Variants in MAP2K1 observed in about 807,000 individuals in gnomAD.
The protein encoded by MAP2K1 is dual specificity mitogen-activated protein kinase kinase 1.
In MAP2K1, 16 loss-of-function variants were observed where a neutral mutation model predicts 46.3. The observed-to-expected ratio is 0.35, with a 90% CI of 0.23 to 0.52. MAP2K1 has a LOEUF of 0.52. Ranked by LOEUF, MAP2K1 falls within the 20% of genes least tolerant of loss-of-function variation. MAP2K1 has a pLI of 0.94. For synonymous variants in MAP2K1, 183 were observed against 185.6 expected, an observed-to-expected ratio of 0.99 and a Z score of 0.11; for missense variants, 263 against 497.1, an observed-to-expected ratio of 0.53 and a Z score of 4.48.
Position 66,481,879 on chromosome 15 carries a change from G to A in MAP2K1, c.693G>A (p.Ser231=), listed in dbSNP as rs1156971602. The A allele has an allele frequency of 1.9e-6, 3 of 1,613,538 alleles. No individual in the cohort carries two copies. The highest frequency in any genetic ancestry group is 2.5e-6 in the Non-Finnish European group (3 of 1,179,622). The change falls in exon 6 of 11, where the codon TCG becomes TCA. Residue 231 remains serine, a splice_region_variant and synonymous_variant. Coordinates refer to ENST00000307102, the MANE Select transcript of MAP2K1 (RefSeq NM_002755.4). ...TCGTGGGCACAAGGTCCTACATGTC[G>A]GTATGAACAGAAGTTTCCATTGCTT... ...NSFVGTRSYM[S]PERLQGTHYS...
Position 66,443,317 on chromosome 15 carries a change from G to T in MAP2K1, c.476G>T (p.Gly159Val), listed in dbSNP as rs1845118216. The T allele has an allele frequency of 1.2e-6, 2 of 1,613,220 alleles. No individual in the cohort carries two copies. Residue 159 changes from glycine (G) to valine (V), a missense_variant, in exon 4 of 11, where the codon GGA becomes GTA. Gly to Val is a moderately radical substitution (Grantham distance 109). This residue lies in a region of MAP2K1 where 103 missense variants were observed against 221.6 expected (regional missense o/e 0.46). Coordinates refer to ENST00000307102, the MANE Select transcript of MAP2K1 (RefSeq NM_002755.4). ...CTGGATCAAGTCCTGAAGAAAGCTGGAAGAATTCCTGAACAAATTTTAGGA... is the reference window on the plus strand; with the variant it reads ...CTGGATCAAGTCCTGAAGAAAGCTGTAAGAATTCCTGAACAAATTTTAGGA... The part of the protein sequence containing the change: ...GSLDQVLKKA[G>V]RIPEQILGKV...
chr15:66,403,097 T>G (rs1020069042), intron 1 of MAP2K1, among the ~76,000 whole-genome samples: 2 of 152,100 alleles, frequency 1.3e-5, no homozygotes, highest in African/African-American at 4.8e-5. Context: ...CCTAGAGAGG[T>G]GTGAATTTGC....
intron 3 of MAP2K1, among the ~76,000 whole-genome samples, chr15:66,442,341 C>T (rs527669875): frequency 2.6e-5 from 4 of 152,252 alleles, no homozygotes; most frequent in African/African-American, 9.6e-5. Flanking sequence ...CCACATCATC[C>T]CAGGAGTACT....
chr15:66,425,087 TGCCCA>T (rs1457081346), intron 1 of MAP2K1, among the ~76,000 whole-genome samples: 1 of 152,118 alleles, frequency 6.6e-6, no homozygotes, highest in Non-Finnish European at 1.5e-5. Context: ...TGAGCCACTG[TGCCCA>T]GCCTCCCGTC....
intron 1 of MAP2K1, among the ~76,000 whole-genome samples, chr15:66,432,860 T>G (rs1479160944): frequency 6.6e-6 from 1 of 152,130 alleles, no homozygotes; most frequent in Non-Finnish European, 1.5e-5. Flanking sequence ...GTGGATTAAA[T>G]GACTTAATAA....
At chr15:66,406,959 G>T (rs913625367) in intron 1 of MAP2K1, among the ~76,000 whole-genome samples, 1 of 152,148 alleles carries the variant, frequency 6.6e-6, no homozygotes, top group Non-Finnish European at 1.5e-5. Flanking sequence ...TTGTGCCATT[G>T]CAGTCCAGCC....
intron 5 of MAP2K1, chr15:66,453,468 C>T: frequency 2.8e-6 from 2 of 702,202 alleles, no homozygotes; most frequent in Non-Finnish European, 5.2e-6. Flanking sequence ...TCTCCAGAAG[C>T]CCTGGAAGAA....
chr15:66,396,069 C>T lies in MAP2K1; in HGVS notation c.80+8642C>T, dbSNP rs139298453. 2.1e-3 allele frequency among the ~76,000 whole-genome samples: 313 copies of T among 149,334 alleles called. 2 individuals are homozygous for T. The highest frequency in any genetic ancestry group is 7.2e-3 in the African/African-American group (290 of 40,474). On this transcript the variant is annotated intron_variant, in intron 1 of 10. Coordinates refer to ENST00000307102, the MANE Select transcript of MAP2K1 (RefSeq NM_002755.4). ...GTCCCCAGACTGGAGTGCAGTGGCG[C>T]GATCTCGCCTCAGTGCAACCTATGC... is the stretch of plus-strand genomic sequence containing the variant.
At chr15:66,428,808 G>T (rs957796292) in intron 1 of MAP2K1, among the ~76,000 whole-genome samples, 1 of 118,138 alleles carries the variant, frequency 8.5e-6, no homozygotes, top group Non-Finnish European at 1.6e-5. Context: ...TTGAGACAGG[G>T]TCTCATTGTC....
At chr15:66,490,295 C>G (rs1297785671) in intron 10 of MAP2K1, 1 of 686,210 alleles carries the variant, frequency 1.5e-6, no homozygotes, top group East Asian at 2.7e-5. Context: ...CAAGAGGTGA[C>G]TTGCCCAAGG....
intron 5 of MAP2K1, among the ~76,000 whole-genome samples, chr15:66,461,267 A>G (rs1282159320): frequency 6.6e-6 from 1 of 152,018 alleles, no homozygotes; most frequent in Admixed American, 6.6e-5. Context: ...AGGCAGGTGG[A>G]TCATGGGAGG....
intron 1 of MAP2K1, among the ~76,000 whole-genome samples, chr15:66,399,026 G>C (rs927327272): frequency 1.3e-5 from 2 of 152,166 alleles, no homozygotes; most frequent in Admixed American, 1.3e-4. Context: ...GCCTGCCGCG[G>C]CCTCCCAAAG....
At chr15:66,422,221 G>A (rs568722974) in intron 1 of MAP2K1, among the ~76,000 whole-genome samples, 30 of 152,130 alleles carry the variant, frequency 2.0e-4, no homozygotes, top group Admixed American at 7.2e-4. Context: ...GTGCTTGTTC[G>A]TATACATTCA....
chr15:66,443,943 G>C (rs896301341), intron 4 of MAP2K1, among the ~76,000 whole-genome samples: 11 of 150,834 alleles, frequency 7.3e-5, no homozygotes, highest in Non-Finnish European at 1.5e-5. Context: ...AAACAAAAGA[G>C]TAAAAAATAA....
At chr15:66,421,262 A>G (rs918024613) in intron 1 of MAP2K1, among the ~76,000 whole-genome samples, 1 of 151,802 alleles carries the variant, frequency 6.6e-6, no homozygotes, top group African/African-American at 2.4e-5. Context: ...TGGCCCCCCA[A>G]GTAGTTGAGA....
Position 66,436,836 on chromosome 15 carries a change from G to A in MAP2K1, c.382G>A (p.Gly128Ser), listed in dbSNP as rs2140584002. The change falls in exon 3 of 11, where the codon GGC becomes AGC. Residue 128 changes from glycine (G) to serine (S), a missense_variant. By Grantham distance (56) the Gly-to-Ser change is moderately conservative. Around this residue, in one of 4 missense-constraint regions of MAP2K1, gnomAD observed 103 missense variants for 221.6 expected, o/e 0.46. Transcript: ENST00000307102. Reference sequence around the variant, plus strand: ...TGAGTGCAACTCTCCGTACATCGTGGGCTTCTATGGTGCGTTCTACAGCGA... The same window carrying A: ...TGAGTGCAACTCTCCGTACATCGTGAGCTTCTATGGTGCGTTCTACAGCGA... Reference protein sequence around the residue: ...LHECNSPYIVGFYGAFYSDGE... With the variant: ...LHECNSPYIVSFYGAFYSDGE... The A allele has an allele frequency of 6.2e-7, 1 of 1,614,160 alleles. No individual in the cohort carries two copies. Among genetic ancestry groups the A allele is most frequent in the Non-Finnish European group, 8.5e-7 (1 of 1,180,032 alleles).
chr15:66,435,267 G>T (rs1340063549), intron 2 of MAP2K1, 30 bp downstream of exon 2: 2 of 1,577,916 alleles, frequency 1.3e-6, no homozygotes, highest in African/African-American at 2.7e-5. Context: ...CAGGTAATTG[G>T]ATTATTTCTC....
intron 5 of MAP2K1, among the ~76,000 whole-genome samples, chr15:66,454,798 G>T (rs1892120941): frequency 6.6e-6 from 1 of 152,020 alleles, no homozygotes; most frequent in African/African-American, 2.4e-5. Context: ...TGAAAGAATT[G>T]CTTGAACCCA....
chr15:66,402,237 A>C (rs576592372), intron 1 of MAP2K1, among the ~76,000 whole-genome samples: 18 of 152,328 alleles, frequency 1.2e-4, no homozygotes, highest in African/African-American at 4.1e-4. Flanking sequence ...TAGCAGGAAT[A>C]TGTGGCTTCA....
Sources: allele counts gnomAD v4.1 joint callset (sites outside exome capture counted in the v4.1 genomes callset), GRCh38; gene constraint gnomAD v4.1.1; regional missense constraint gnomAD v4.1.1; transcripts MANE v1.5; gene names NCBI Gene and HGNC (gene_info 2026-07-23, HGNC 2026-07-21).